Variants in PHF12 observed in about 807,000 individuals in gnomAD.
PHF12 encodes the protein PHD finger protein 12, also known as PHD factor 1.
Under a neutral mutation model 99.8 loss-of-function variants are expected in PHF12, and 6 were observed. The ratio of observed to expected loss-of-function variants is 0.06; its 90% CI spans 0.03 to 0.12. PHF12 has a LOEUF of 0.12. PHF12 is among the 10% of genes least tolerant of loss of function. PHF12 has a pLI of 1.00. For synonymous variants in PHF12, 480 were observed against 514.9 expected (o/e 0.93, Z 0.92); for missense variants, 954 against 1,300.1 (o/e 0.73, Z 4.09).
Position 28,921,623 on chromosome 17 carries a change from TG to T in PHF12, c.836+64del, listed in dbSNP as rs2040167551. 3 of 1,563,090 alleles carry T rather than the reference TG, an allele frequency of 1.9e-6. No homozygotes were observed. The East Asian group carries it at 6.7e-5, about 35-fold the overall frequency. ...TTTAACATACATGGTCTGGAAGAGG[TG>T]ATGAGAGAAAAAGTATCATCTGCTA... On this transcript the variant is annotated intron_variant, in intron 5 of 14. Coordinates refer to ENST00000332830, the MANE Select transcript of PHF12 (RefSeq NM_001033561.2).
intron 7 of PHF12, among the ~76,000 whole-genome samples, chr17:28,916,408 C>A (rs895674165): frequency 1.3e-5 from 2 of 152,170 alleles, no homozygotes; most frequent in African/African-American, 4.8e-5. Context: ...GTTGGTCAGG[C>A]TGGTCTCAAA....
Position 28,951,199 on chromosome 17 carries a change from A to AC in PHF12, c.-240dup. On this transcript the variant is annotated 5_prime_UTR_variant, in exon 1 of 15. Coordinates refer to ENST00000332830, the MANE Select transcript of PHF12 (RefSeq NM_001033561.2). The stretch of plus-strand genomic sequence containing the variant: ...CAGTCCCGGCCCGGCTGCTGGCTGC[A>AC]CAGTGGGTCCCGGCTCCGGGGGTCA... The AC allele has an allele frequency of 7.2e-7, 1 of 1,384,888 alleles. No individual in the cohort carries two copies. The highest frequency in any genetic ancestry group is 9.3e-7 in the Non-Finnish European group (1 of 1,072,046). The allele number at this position is 1,384,888 out of a possible 1,614,324, so 85.8% of individuals were successfully genotyped here.
Position 28,912,798 on chromosome 17 carries a change from C to T in PHF12, c.1773G>A (p.Gly591=), listed in dbSNP as rs2039987190. The T allele has an allele frequency of 6.2e-7, 1 of 1,609,662 alleles. No homozygotes were observed. The highest frequency in any genetic ancestry group is 8.5e-7 in the Non-Finnish European group (1 of 1,177,092). Residue 591 remains glycine (G), a synonymous_variant, in exon 9 of 15, where the codon GGG becomes GGA. Coordinates refer to ENST00000332830, the MANE Select transcript of PHF12 (RefSeq NM_001033561.2). ...TGCCGACGGTGTGGTTCTGAAGGCC[C>T]CCAGCCGCTGGTGGCGTGAGGGGCC... is the stretch of plus-strand genomic sequence containing the variant. ...WPRPLTPPAA[G]GLQNHTVGII... is the part of the protein sequence containing the mutation.
At chr17:28,910,778 G>T in intron 10 of PHF12, 1 of 380,498 alleles carries the variant, frequency 2.6e-6, no homozygotes, top group African/African-American at 2.1e-5. Flanking sequence ...CACAGATGAG[G>T]TCCCTCCTTT....
chr17:28,917,715 C>T (rs979320563), intron 6 of PHF12, among the ~76,000 whole-genome samples: 9 of 152,216 alleles, frequency 5.9e-5, no homozygotes, highest in Non-Finnish European at 7.3e-5. Context: ...TTAGCCAAGA[C>T]GTGCCCTTCC....
chr17:28,924,559 T>C, intron 3 of PHF12: 1 of 547,324 alleles, frequency 1.8e-6, no homozygotes, highest in Non-Finnish European at 3.3e-6. Context: ...ATATATATCA[T>C]TAACATTAAC....
At chr17:28,916,200 A>C (rs969741143) in intron 7 of PHF12, among the ~76,000 whole-genome samples, 2 of 151,932 alleles carry the variant, frequency 1.3e-5, no homozygotes, top group Admixed American at 1.3e-4. Flanking sequence ...GGTGTGACTG[A>C]CCTTTTTTTT....
In PHF12 at chr17:28,945,314, G is replaced by C. The variant is rs147978149; in HGVS notation, c.248+4751C>G. 2.6e-3 allele frequency: 400 copies of C among 152,258 alleles called. 1 individual carries two copies. The highest frequency in any genetic ancestry group is 9.3e-3 in the African/African-American group (386 of 41,550). The allele number at this position is 152,258 out of a possible 1,614,324, so 9.4% of individuals were successfully genotyped here. On this transcript the variant is annotated intron_variant, in intron 2 of 14. Coordinates refer to ENST00000332830, the MANE Select transcript of PHF12 (RefSeq NM_001033561.2). ...TTTCTATTCTATGTGTGAAACCTTT[G>C]TTACGACTCACTGAAAATATGCAAA... is the stretch of plus-strand genomic sequence containing the variant.
In PHF12 at chr17:28,944,368, C is replaced by T. The variant is rs572920387; in HGVS notation, c.248+5697G>A. 49 of 627,668 alleles carry T rather than the reference C, an allele frequency of 7.8e-5. No homozygotes were observed. The African/African-American group carries it at 9.4e-4, about 12-fold the overall frequency. The allele number at this position is 627,668 out of a possible 1,614,324, so 38.9% of individuals were successfully genotyped here. On this transcript the variant is annotated intron_variant, in intron 2 of 14. Coordinates refer to ENST00000332830, the MANE Select transcript of PHF12 (RefSeq NM_001033561.2). ...GTACTTGCCTTACTTTACACAAAAA[C>T]TGTAATCTTTCAAGAGTATAACCTC...
In PHF12 at chr17:28,935,274, T is replaced by C. The variant is rs2040488319; in HGVS notation, c.249-8211A>G. 2.0e-5 allele frequency among the ~76,000 whole-genome samples: 3 copies of C among 152,138 alleles called. No individual in the cohort carries two copies. In the South Asian group the frequency reaches 6.2e-4, roughly 31 times the overall value. On this transcript the variant is annotated intron_variant, in intron 2 of 14. Transcript: ENST00000332830. ...CAACTCACTATTTTATTTTATTTAT[T>C]TTATTTTTTTATTTTGAGATGGAGC...
chr17:28,905,597 A>G lies in PHF12; in HGVS notation c.*586T>C, dbSNP rs1048338159. ...AAATAAAATAGATGGACAGCCAGAA[A>G]AAGAATTCATTTCTCATTTGTCCAT... On this transcript the variant is annotated 3_prime_UTR_variant, in exon 15 of 15. Transcript: ENST00000332830. 3.9e-5 allele frequency: 6 copies of G among 152,776 alleles called. No homozygotes were observed. The highest frequency in any genetic ancestry group is 2.0e-4 in the Admixed American group (3 of 15,308). 9.5% of individuals were successfully genotyped at this position (152,776 alleles called of 1,614,324 possible). A position where few individuals can be genotyped will look rare whatever the true frequency, so the allele number is the denominator to read the frequency against.
At chr17:28,921,836 T>TATC in intron 4 of PHF12, 28 bp from the exon 5 acceptor site, 1 of 1,611,214 alleles carries the variant, frequency 6.2e-7, no homozygotes, top group East Asian at 2.2e-5. Context: ...GGTGCTGAGC[T>TATC]ATCCCTGGCT....
Position 28,913,892 on chromosome 17 carries a change from G to A in PHF12, c.1280C>T (p.Ala427Val). ...ACCTTCACTCACCTCTTGCTGCTCTGCTTGGGTGGCTAAGTGCTCAGAGTT... is the reference window on the plus strand; with the variant it reads ...ACCTTCACTCACCTCTTGCTGCTCTACTTGGGTGGCTAAGTGCTCAGAGTT... ...LLNSEHLATQAEQQEWLCSVV... is the reference protein window; with the variant it reads ...LLNSEHLATQVEQQEWLCSVV... The change falls in exon 8 of 15, where the codon GCA becomes GTA. Residue 427 changes from alanine to valine, a missense_variant. This residue lies in a region of PHF12 where 392 missense variants were observed against 423.1 expected (regional missense o/e 0.93). Coordinates refer to ENST00000332830, the MANE Select transcript of PHF12 (RefSeq NM_001033561.2). The A allele has an allele frequency of 2.5e-6, 4 of 1,608,476 alleles. No individual in the cohort carries two copies. The highest frequency in any genetic ancestry group is 3.4e-6 in the Non-Finnish European group (4 of 1,175,850).
At chr17:28,949,000 G>A (rs2040762514) in intron 2 of PHF12, among the ~76,000 whole-genome samples, 2 of 152,106 alleles carry the variant, frequency 1.3e-5, no homozygotes. Flanking sequence ...CTTCTTTGCC[G>A]GATTGTCCTG....
intron 2 of PHF12, among the ~76,000 whole-genome samples, chr17:28,943,909 A>C (rs1181641610): frequency 6.6e-6 from 1 of 152,248 alleles, no homozygotes; most frequent in Non-Finnish European, 1.5e-5. Flanking sequence ...ACTTTCACTC[A>C]GGTTAGCAAA....
intron 4 of PHF12, among the ~76,000 whole-genome samples, chr17:28,922,753 G>A (rs1019713335): frequency 3.3e-5 from 5 of 151,946 alleles, no homozygotes; most frequent in East Asian, 3.9e-4. Flanking sequence ...AAATTATGAC[G>A]TATCTGTACA....
rs191944810 is a variant in PHF12, at chr17:28,926,173, T to C, written c.321+818A>G. On this transcript the variant is annotated intron_variant, in intron 3 of 14. Transcript: ENST00000332830. ...TACTTTCTTTCTTAAAGGCTGAAAC[T>C]GTTACACACATAAACCACAATCTTA... is the stretch of plus-strand genomic sequence containing the variant. 2.0e-5 allele frequency: 3 copies of C among 153,000 alleles called. No individual in the cohort carries two copies. The East Asian group carries it at 5.8e-4, about 30-fold the overall frequency. 9.5% of individuals were successfully genotyped at this position (153,000 alleles called of 1,614,324 possible). A position where few individuals can be genotyped will look rare whatever the true frequency, so the allele number is the denominator to read the frequency against.
chr17:28,945,105 T>TAA (rs1319759580), intron 2 of PHF12: 2 of 152,132 alleles, frequency 1.3e-5, no homozygotes, highest in Non-Finnish European at 2.9e-5. Flanking sequence ...CAAAAACATT[T>TAA]AAAAAATTAG....
chr17:28,951,026 TGAGGG>T lies in PHF12; in HGVS notation c.-71_-67del, dbSNP rs1024927389. On this transcript the variant is annotated 5_prime_UTR_variant, in exon 1 of 15. Transcript: ENST00000332830. ...CCCAACCCCGGGGGGAGGGGGGAGG[TGAGGG>T]GAGGGGGCGCTCCTGACCCCGGCCC... The T allele has an allele frequency of 4.4e-6, 7 of 1,603,006 alleles. No homozygotes were observed. In the African/African-American group the frequency reaches 9.5e-5, roughly 22 times the overall value.
Sources: gnomAD v4.1 joint callset for allele counts (sites outside exome capture counted in the v4.1 genomes callset) on GRCh38, gnomAD v4.1.1 for gene constraint, gnomAD v4.1.1 regional missense constraint, MANE v1.5 for transcripts, NCBI Gene and HGNC (gene_info 2026-07-23, HGNC 2026-07-21) for gene names.